MNDA: variants seen among roughly 807,000 people sequenced by gnomAD.
MNDA encodes the protein epididymis secretory sperm binding protein.
Under a neutral mutation model 37.8 loss-of-function variants are expected in MNDA, and 43 were observed. The observed-to-expected ratio is 1.14, with a 90% CI of 0.89 to 1.47. The LOEUF (loss-of-function observed/expected upper bound fraction) is 1.47, where lower values mean the gene tolerates loss of function less well. MNDA is among the 40% of genes most tolerant of loss of function. The pLI is 0.00. For synonymous variants in MNDA, 181 were observed against 169.0 expected (o/e 1.07, Z -0.55); for missense variants, 536 against 476.0 (o/e 1.13, Z -1.17).
At chr1:158,845,139 T>A (rs1170434146) in intron 4 of MNDA, among the ~76,000 whole-genome samples, 1 of 152,228 alleles carries the variant, frequency 6.6e-6, no homozygotes, top group Non-Finnish European at 1.5e-5. Flanking sequence ...GCTCCAAATA[T>A]CTGTGAAAGT....
chr1:158,843,603 TATC>T (rs1659073014), intron 3 of MNDA, among the ~76,000 whole-genome samples, 188 bp downstream of exon 3: 1 of 152,236 alleles, frequency 6.6e-6, no homozygotes, highest in Non-Finnish European at 1.5e-5. Flanking sequence ...ATAAATATAT[TATC>T]ATCTCCATTA....
Position 158,844,111 on chromosome 1 carries a change from T to G in MNDA, c.559T>G (p.Ser187Ala). Reference sequence around the variant, plus strand: ...CTCATCATCAACTCCATCCAACACTTCGTTTACTCCGGTACACTCTTCCTG... The same window carrying G: ...CTCATCATCAACTCCATCCAACACTGCGTTTACTCCGGTACACTCTTCCTG... The part of the protein sequence containing the change: ...QTSSSTPSNT[S>A]FTPNQETQAQ... Residue 187 changes from serine to alanine, a missense_variant, in exon 4 of 7, where the codon TCG becomes GCG. By Grantham distance (99) the Ser-to-Ala change is moderately conservative. Coordinates refer to ENST00000368141, the MANE Select transcript of MNDA (RefSeq NM_002432.3). 2 of 1,582,060 alleles carry G rather than the reference T, an allele frequency of 1.3e-6. No homozygotes were observed. The highest frequency in any genetic ancestry group is 8.6e-7 in the Non-Finnish European group (1 of 1,165,922).
In MNDA at chr1:158,843,988, G is replaced by A. The variant is rs1188847514; in HGVS notation, c.436G>A (p.Ala146Thr). ...AACTCCAAACAAAGAAAAGACTGAA[G>A]CCAAAAGGAATAAGGTGTCCCAAGA... ...RKTPNKEKTE[A>T]KRNKVSQEQS... is the part of the protein sequence containing the mutation. Residue 146 changes from alanine to threonine, a missense_variant, in exon 4 of 7, where the codon GCC (alanine) becomes ACC (threonine). By Grantham distance (58) the Ala-to-Thr change is moderately conservative. Transcript: ENST00000368141. The A allele has an allele frequency of 6.2e-7, 1 of 1,604,632 alleles. No individual in the cohort carries two copies. The highest frequency in any genetic ancestry group is 8.5e-7 in the Non-Finnish European group (1 of 1,177,388).
At chr1:158,842,536 G>A (rs1659049817) in intron 2 of MNDA, 118 bp downstream of exon 2, 3 of 1,106,592 alleles carry the variant, frequency 2.7e-6, no homozygotes, top group Admixed American at 2.4e-5. Context: ...CAGCAGTCAT[G>A]GGGATGTTGG....
chr1:158,843,210 T>C (rs1659065958), intron 2 of MNDA, 69 bp from the exon 3 acceptor site: 2 of 1,512,638 alleles, frequency 1.3e-6, no homozygotes, highest in Admixed American at 2.3e-5. Context: ...ATATTGAAAC[T>C]GCCTCAGCTG....
At chr1:158,838,818 T>C (rs935771336) in intron 1 of MNDA, among the ~76,000 whole-genome samples, 9 of 152,186 alleles carry the variant, frequency 5.9e-5, no homozygotes, top group Non-Finnish European at 1.5e-5. Flanking sequence ...ACATGACCTG[T>C]CTAAAAGCTA....
intron 1 of MNDA, among the ~76,000 whole-genome samples, chr1:158,834,419 G>T (rs1243215031): frequency 6.6e-6 from 1 of 151,976 alleles, no homozygotes; most frequent in Non-Finnish European, 1.5e-5. Context: ...TTTTAGTAGA[G>T]AAGGGGTTTC....
intron 5 of MNDA, among the ~76,000 whole-genome samples, chr1:158,846,662 T>C (rs909932400): frequency 3.9e-5 from 6 of 152,202 alleles, no homozygotes; most frequent in Admixed American, 3.9e-4. Flanking sequence ...TTTATTGATA[T>C]GTCCATGTCC....
chr1:158,837,329 T>C (rs1658938414), intron 1 of MNDA, among the ~76,000 whole-genome samples: 1 of 151,878 alleles, frequency 6.6e-6, no homozygotes, highest in Non-Finnish European at 1.5e-5. Flanking sequence ...ACTATTACCT[T>C]AGAGTTGTCT....
At chr1:158,841,298 T>C (rs1243468169) in intron 1 of MNDA, among the ~76,000 whole-genome samples, 1 of 152,152 alleles carries the variant, frequency 6.6e-6, no homozygotes, top group Non-Finnish European at 1.5e-5. Flanking sequence ...TTTCAAGTCA[T>C]GCTGAGTAGA....
intron 6 of MNDA, among the ~76,000 whole-genome samples, chr1:158,848,241 A>T (rs1200777945): frequency 1.3e-5 from 2 of 152,180 alleles, no homozygotes; most frequent in Admixed American, 1.3e-4. Flanking sequence ...TAGTTGGCTG[A>T]TATTGGGGAA....
chr1:158,834,229 C>G (rs1248133398), intron 1 of MNDA, among the ~76,000 whole-genome samples: 4 of 135,832 alleles, frequency 2.9e-5, no homozygotes, highest in South Asian at 2.3e-4. Flanking sequence ...AGTCCTTTAT[C>G]AATTTTTTTT....
At position 158,842,182 on chromosome 1, in the gene MNDA, T is replaced by C. The variant is rs200492348; in HGVS notation, c.29T>C (p.Leu10Ser). The change falls in exon 2 of 7, where the codon TTG (leucine) becomes TCG (serine). Residue 10 changes from leucine to serine, a missense_variant. By Grantham distance (145) the Leu-to-Ser change is moderately radical. Coordinates refer to ENST00000368141, the MANE Select transcript of MNDA (RefSeq NM_002432.3). MVNEYKKIL[L>S]LKGFELMDDY... Reference sequence around the variant, plus strand: ...GTGAATGAATACAAGAAAATTCTTTTGCTGAAAGGATTTGAGCTCATGGAT... The same window carrying C: ...GTGAATGAATACAAGAAAATTCTTTCGCTGAAAGGATTTGAGCTCATGGAT... 8.9e-5 allele frequency: 143 copies of C among 1,611,238 alleles called. No individual in the cohort carries two copies. Among genetic ancestry groups the C allele is most frequent in the Non-Finnish European group, 1.2e-4 (136 of 1,178,898 alleles).
At position 158,842,360 on chromosome 1, in the gene MNDA, CA is replaced by C; in HGVS notation, c.210del (p.Asp71IlefsTer31). 1 of 1,613,844 alleles carries C rather than the reference CA, an allele frequency of 6.2e-7. No individual in the cohort carries two copies. On this transcript the variant is annotated frameshift_variant, in exon 2 of 7. Coordinates refer to ENST00000368141, the MANE Select transcript of MNDA (RefSeq NM_002432.3). LOFTEE classifies it high-confidence loss of function. ...GTCTAGACAAACTAATAGAACTTGC[CA>C]AAGATATGCCATCACTTAAAAACCT... ...ACLDKLIELA[K>X]DMPSLKNLVN...
At chr1:158,843,210 T>A in intron 2 of MNDA, 69 bp from the exon 3 acceptor site, 1 of 1,512,640 alleles carries the variant, frequency 6.6e-7, no homozygotes, top group African/African-American at 1.4e-5. Context: ...ATATTGAAAC[T>A]GCCTCAGCTG....
chr1:158,846,065 G>A, intron 5 of MNDA, 62 bp downstream of exon 5: 1 of 1,422,374 alleles, frequency 7.0e-7, no homozygotes, highest in Non-Finnish European at 9.6e-7. Context: ...GTCTTAATTT[G>A]CCAGACTTAC....
chr1:158,841,020 G>A (rs1659020465), intron 1 of MNDA, among the ~76,000 whole-genome samples: 1 of 152,094 alleles, frequency 6.6e-6, no homozygotes, highest in Admixed American at 6.5e-5. Flanking sequence ...ATGCCCTTAG[G>A]TAGTACACAA....
chr1:158,834,824 C>G (rs148581275), intron 1 of MNDA, among the ~76,000 whole-genome samples: 2 of 152,150 alleles, frequency 1.3e-5, no homozygotes, highest in African/African-American at 4.8e-5. Context: ...AAGGGTTCAA[C>G]TTTTTGTATA....
intron 1 of MNDA, among the ~76,000 whole-genome samples, chr1:158,833,512 A>G (rs1658846591): frequency 6.6e-6 from 1 of 152,184 alleles, no homozygotes; most frequent in Non-Finnish European, 1.5e-5. Context: ...CTTGGCAAAC[A>G]TCATTCTACC....
Sources: allele counts gnomAD v4.1 joint callset (sites outside exome capture counted in the v4.1 genomes callset), GRCh38; gene constraint gnomAD v4.1.1; transcripts MANE v1.5; gene names NCBI Gene and HGNC (gene_info 2026-07-23, HGNC 2026-07-21).